LARGE1: variants seen among roughly 807,000 people sequenced by gnomAD.
The protein encoded by LARGE1 is LARGE xylosyl- and glucuronyltransferase 1, also known as xylosyl- and glucuronyltransferase LARGE1.
In LARGE1, 43 loss-of-function variants were observed where a neutral mutation model predicts 87.6. The ratio of observed to expected loss-of-function variants is 0.49; its 90% CI spans 0.38 to 0.63. LARGE1 has a LOEUF of 0.63. Ranked by LOEUF, LARGE1 falls within the 30% of genes least tolerant of loss-of-function variation. The probability of loss-of-function intolerance (pLI) is 0.00; values close to 1 mark genes in which losing one functional copy is unlikely to be tolerated. For missense variants in LARGE1, 802 were observed against 1,000.2 expected (o/e 0.80, Z 2.67); for synonymous variants, 434 against 394.6 (o/e 1.10, Z -1.18).
chr22:33,916,556 G>A (rs2065793072), intron 1 of LARGE1, among the ~76,000 whole-genome samples: 1 of 152,170 alleles, frequency 6.6e-6, no homozygotes, highest in Non-Finnish European at 1.5e-5. Flanking sequence ...ACTCCATGTA[G>A]AGCGACCTCA....
chr22:33,693,741 T>C (rs1157975708), intron 2 of LARGE1, among the ~76,000 whole-genome samples: 1 of 152,004 alleles, frequency 6.6e-6, no homozygotes, highest in Non-Finnish European at 1.5e-5. Context: ...GGAGAATCAC[T>C]TGAACCCCGG....
chr22:33,703,514 G>A (rs964235204), intron 2 of LARGE1, among the ~76,000 whole-genome samples: 3 of 152,216 alleles, frequency 2.0e-5, no homozygotes, highest in Non-Finnish European at 2.9e-5. Flanking sequence ...AAGACCTAGA[G>A]GTGGAAGATG....
intron 2 of LARGE1, among the ~76,000 whole-genome samples, chr22:33,661,506 C>T (rs2081122312): frequency 6.6e-6 from 1 of 151,426 alleles, no homozygotes; most frequent in African/African-American, 2.5e-5. Flanking sequence ...TGAGCTTCCG[C>T]ACCTGGCATT....
chr22:33,153,988 A>T, the LARGE1 span, among the ~76,000 whole-genome samples: 2 of 152,146 alleles, frequency 1.3e-5, no homozygotes, highest in Non-Finnish European at 2.9e-5. Flanking sequence ...ATCTGGGACC[A>T]ATGTGGGGTT....
intron 11 of LARGE1, among the ~76,000 whole-genome samples, chr22:33,199,585 A>G (rs1337153249): frequency 6.6e-6 from 1 of 152,038 alleles, no homozygotes; most frequent in South Asian, 2.1e-4. Flanking sequence ...TGGCTATCCA[A>G]TTTTCCCAGC....
intron 5 of LARGE1, among the ~76,000 whole-genome samples, chr22:33,580,005 G>A (rs985417277): frequency 5.9e-5 from 9 of 152,128 alleles, no homozygotes; most frequent in African/African-American, 1.7e-4. Context: ...ATGATGGCAC[G>A]AGCACTGTCT....
Position 33,198,790 on chromosome 22 carries a change from A to T in LARGE1, c.1731-31958T>A, listed in dbSNP as rs148748290. 6.9e-3 allele frequency among the ~76,000 whole-genome samples: 1,057 copies of T among 152,282 alleles called. 52 individuals carry two copies. In the South Asian group the frequency reaches 0.12, roughly 17 times the overall value. On this transcript the variant is annotated intron_variant, in intron 11 of 11. Coordinates refer to the LARGE1 transcript ENST00000608642. ...TTAATTCCATACCTTTGCTATTGTG[A>T]ATAGTGCTGTGATAAACACACTAGT...
chr22:33,140,233 C>T, the LARGE1 span, among the ~76,000 whole-genome samples: 9 of 152,154 alleles, frequency 5.9e-5, no homozygotes, highest in Non-Finnish European at 1.2e-4. Flanking sequence ...TGGGAAGATG[C>T]TGTGGTCCTC....
At chr22:33,536,815 T>C (rs2077056925) in intron 6 of LARGE1, among the ~76,000 whole-genome samples, 1 of 151,876 alleles carries the variant, frequency 6.6e-6, no homozygotes, top group Middle Eastern at 3.4e-3. Flanking sequence ...TATTTATTTA[T>C]TTACTTATTT....
At chr22:33,853,894 G>A (rs1029215970) in intron 1 of LARGE1, among the ~76,000 whole-genome samples, 3 of 152,074 alleles carry the variant, frequency 2.0e-5, no homozygotes, top group Admixed American at 6.6e-5. Flanking sequence ...AGGGATCCCC[G>A]AGAACACCTC....
At chr22:33,597,241 G>T (rs1267252431) in intron 5 of LARGE1, among the ~76,000 whole-genome samples, 1 of 142,080 alleles carries the variant, frequency 7.0e-6, no homozygotes, top group African/African-American at 2.6e-5. Flanking sequence ...GTGATCTCTT[G>T]TTGGGCAATT....
intron 11 of LARGE1, among the ~76,000 whole-genome samples, chr22:33,224,610 C>G (rs961291823): frequency 2.6e-5 from 4 of 152,198 alleles, no homozygotes; most frequent in Non-Finnish European, 4.4e-5. Flanking sequence ...GCACATATCA[C>G]ACTTTGAGTA....
At chr22:33,788,716 C>T (rs1440219673) in intron 1 of LARGE1, among the ~76,000 whole-genome samples, 1 of 152,134 alleles carries the variant, frequency 6.6e-6, no homozygotes, top group African/African-American at 2.4e-5. Flanking sequence ...TGCCCCTGCC[C>T]TAGAGATTTG....
At chr22:33,102,339 T>A in the LARGE1 span, among the ~76,000 whole-genome samples, 1 of 151,674 alleles carries the variant, frequency 6.6e-6, no homozygotes, top group Non-Finnish European at 1.5e-5. Context: ...CAGCTAATTT[T>A]TTTTTGTATT....
intron 1 of LARGE1, among the ~76,000 whole-genome samples, chr22:33,813,505 C>T (rs961852612): frequency 1.3e-5 from 2 of 152,042 alleles, no homozygotes; most frequent in African/African-American, 4.8e-5. Context: ...CCACCAGATA[C>T]ATAAAACAGA....
chr22:33,920,862 G>T (rs1448639557), upstream of LARGE1, among the ~76,000 whole-genome samples: 1 of 145,538 alleles, frequency 6.9e-6, no homozygotes, highest in Non-Finnish European at 1.5e-5. Flanking sequence ...GGCCGGAGCC[G>T]GCGCGCGATC....
the LARGE1 span, among the ~76,000 whole-genome samples, chr22:33,149,730 C>T: frequency 6.6e-6 from 1 of 152,170 alleles, no homozygotes; most frequent in African/African-American, 2.4e-5. Flanking sequence ...GAGTAATTCA[C>T]GTTTTTGGCA....
At chr22:33,810,817 G>A (rs760552636) in intron 1 of LARGE1, among the ~76,000 whole-genome samples, 5 of 151,668 alleles carry the variant, frequency 3.3e-5, no homozygotes, top group Admixed American at 6.6e-5. Flanking sequence ...TCCGCCTCCC[G>A]GGTTCAAGCA....
At chr22:33,174,952 A>C (rs1361845478) in intron 11 of LARGE1, among the ~76,000 whole-genome samples, 2 of 152,210 alleles carry the variant, frequency 1.3e-5, no homozygotes, top group African/African-American at 4.8e-5. Flanking sequence ...AAACAATAGA[A>C]AAAGAGGGAA....
Sources: gnomAD v4.1 joint callset for allele counts (sites outside exome capture counted in the v4.1 genomes callset) on GRCh38, gnomAD v4.1.1 for gene constraint, MANE v1.5 for transcripts, NCBI Gene and HGNC (gene_info 2026-07-23, HGNC 2026-07-21) for gene names.